Variants in DGKG observed in about 807,000 individuals in gnomAD.
The protein encoded by DGKG is diacylglycerol kinase gamma.
In DGKG, 78 loss-of-function variants were observed where a neutral mutation model predicts 105.3. That is an observed-to-expected ratio of 0.74 (90% confidence interval 0.62 to 0.89). The LOEUF (loss-of-function observed/expected upper bound fraction) is 0.89, where lower values mean the gene tolerates loss of function less well. Ranked by LOEUF, DGKG falls within the 40% of genes least tolerant of loss-of-function variation. DGKG has a pLI of 0.00. For synonymous variants in DGKG, 346 were observed against 367.1 expected (o/e 0.94, Z 0.66); for missense variants, 958 against 1,020.1 (o/e 0.94, Z 0.83).
At chr3:186,206,039 AGTGG>A (rs1441564153) in intron 21 of DGKG, among the ~76,000 whole-genome samples, 1 of 152,196 alleles carries the variant, frequency 6.6e-6, no homozygotes, top group African/African-American at 2.4e-5. Context: ...AGTTCATATT[AGTGG>A]AGCTGGCTGA....
chr3:186,293,394 C>G (rs1723400609), intron 5 of DGKG, among the ~76,000 whole-genome samples: 1 of 152,164 alleles, frequency 6.6e-6, no homozygotes, highest in African/African-American at 2.4e-5. Flanking sequence ...AAAACTAACA[C>G]AAAATACTGG....
chr3:186,207,331 G>T, intron 21 of DGKG: 1 of 406,196 alleles, frequency 2.5e-6, no homozygotes, highest in Non-Finnish European at 3.3e-6. Flanking sequence ...TCAAGTGCCA[G>T]TACTGCCCCG....
chr3:186,269,493 T>G (rs1035425559), intron 11 of DGKG, among the ~76,000 whole-genome samples: 2 of 152,238 alleles, frequency 1.3e-5, no homozygotes, highest in Admixed American at 6.5e-5. Context: ...CCTGGCCCTT[T>G]GGGAGTACCC....
chr3:186,241,763 A>C (rs1310072433), intron 20 of DGKG, among the ~76,000 whole-genome samples: 1 of 152,224 alleles, frequency 6.6e-6, no homozygotes, highest in African/African-American at 2.4e-5. Flanking sequence ...GACTAATGAG[A>C]AGATACAGAC....
chr3:186,297,060 T>A (rs901964495), intron 5 of DGKG, among the ~76,000 whole-genome samples: 29 of 19,004 alleles, frequency 1.5e-3, no homozygotes, highest in African/African-American at 3.7e-3. Flanking sequence ...TCTGTCTGTC[T>A]GTCTCTCTCA....
At chr3:186,296,809 G>A (rs1193254288) in intron 5 of DGKG, among the ~76,000 whole-genome samples, 1 of 152,210 alleles carries the variant, frequency 6.6e-6, no homozygotes, top group Non-Finnish European at 1.5e-5. Context: ...AAAGTGGTGT[G>A]ATTGTGAAGC....
chr3:186,193,997 C>T (rs1718044264), intron 21 of DGKG, among the ~76,000 whole-genome samples: 1 of 152,240 alleles, frequency 6.6e-6, no homozygotes, highest in Non-Finnish European at 1.5e-5. Context: ...TGAAATCGTG[C>T]TCCTGGGTGC....
intron 22 of DGKG, among the ~76,000 whole-genome samples, chr3:186,165,536 G>A (rs1022853580): frequency 2.4e-4 from 36 of 152,164 alleles, no homozygotes; most frequent in African/African-American, 8.0e-4. Flanking sequence ...CTCCTTGGAC[G>A]TCCTCAGGAA....
chr3:186,349,135 G>A (rs902815781), intron 1 of DGKG, among the ~76,000 whole-genome samples: 3 of 151,244 alleles, frequency 2.0e-5, no homozygotes, highest in Non-Finnish European at 2.9e-5. Flanking sequence ...GCCATGTCAC[G>A]ATCTTGGCTC....
intron 21 of DGKG, among the ~76,000 whole-genome samples, chr3:186,198,591 T>C (rs1420936178): frequency 1.3e-5 from 2 of 152,220 alleles, no homozygotes; most frequent in Admixed American, 1.3e-4. Context: ...AAAAAAAGCC[T>C]TTGTTATTGT....
Position 186,226,951 on chromosome 3 carries a change from C to T in DGKG, c.1827-15066G>A, listed in dbSNP as rs1432392705. Among the ~76,000 whole-genome samples the T allele has an allele frequency of 6.6e-6, 1 of 152,108 alleles. No homozygotes were observed. On this transcript the variant is annotated intron_variant, in intron 20 of 24. Transcript: ENST00000265022. This position sits in a 1 kb window ranked among gnomAD's most constrained non-coding sequence, Gnocchi z 4.2. ...AGAGCATTAGAAGATTGGGAAAATG[C>T]CTTCTTAGTAAAATATGAAGTGGTA...
chr3:186,250,756 G>T (rs1721179302), intron 19 of DGKG, among the ~76,000 whole-genome samples: 1 of 151,710 alleles, frequency 6.6e-6, no homozygotes, highest in South Asian at 2.1e-4. Context: ...CACCATGTTG[G>T]CCAGGCTGGT....
intron 11 of DGKG, 58 bp from the exon 12 acceptor site, chr3:186,268,975 C>T: frequency 1.6e-6 from 2 of 1,289,646 alleles, no homozygotes; most frequent in Non-Finnish European, 2.2e-6. Flanking sequence ...CCCCGGGGCC[C>T]TGGGCTGGAG....
At chr3:186,332,958 G>A (rs1725669474) in intron 1 of DGKG, among the ~76,000 whole-genome samples, 1 of 152,094 alleles carries the variant, frequency 6.6e-6, no homozygotes. Context: ...ATGATGCCCT[G>A]TACCACCTTG....
At chr3:186,262,867 G>T (rs1365245570) in intron 14 of DGKG, among the ~76,000 whole-genome samples, 1 of 152,104 alleles carries the variant, frequency 6.6e-6, no homozygotes, top group Non-Finnish European at 1.5e-5. Context: ...GATCACTCAC[G>T]CCTATAATCC....
chr3:186,286,290 G>A (rs1723066004), intron 6 of DGKG, among the ~76,000 whole-genome samples: 2 of 152,306 alleles, frequency 1.3e-5, no homozygotes, highest in South Asian at 4.1e-4. Context: ...CCAGCAGATG[G>A]TTGAATGACA....
At chr3:186,150,903 G>A (rs1715729856) in intron 24 of DGKG, among the ~76,000 whole-genome samples, 1 of 152,166 alleles carries the variant, frequency 6.6e-6, no homozygotes, top group South Asian at 2.1e-4. Context: ...TCATGGCTTT[G>A]AAATAGTTAA....
chr3:186,328,900 T>A (rs1725474145), intron 1 of DGKG, among the ~76,000 whole-genome samples: 1 of 152,066 alleles, frequency 6.6e-6, no homozygotes, highest in Non-Finnish European at 1.5e-5. Context: ...TTTATTTCCT[T>A]CAAGAAAAGT....
At chr3:186,179,515 C>A (rs1218501626) in intron 22 of DGKG, among the ~76,000 whole-genome samples, 2 of 152,178 alleles carry the variant, frequency 1.3e-5, no homozygotes, top group Non-Finnish European at 2.9e-5. Context: ...AAAATAATAT[C>A]TACATTTCCT....
Sources: gnomAD v4.1 joint callset for allele counts (sites outside exome capture counted in the v4.1 genomes callset) on GRCh38, gnomAD v4.1.1 for gene constraint, Gnocchi (gnomAD v3.1) non-coding constraint, MANE v1.5 for transcripts, NCBI Gene and HGNC (gene_info 2026-07-23, HGNC 2026-07-21) for gene names.